The following FNDC3B variants were observed in gnomAD, a reference collection of about 807,000 sequenced individuals.
FNDC3B encodes fibronectin type III domain-containing protein 3B.
In FNDC3B, 12 loss-of-function variants were observed where a neutral mutation model predicts 151.5. The ratio of observed to expected loss-of-function variants is 0.08; its 90% CI spans 0.05 to 0.13. FNDC3B has a LOEUF of 0.13. Ranked by LOEUF, FNDC3B falls within the 10% of genes least tolerant of loss-of-function variation. FNDC3B has a pLI of 1.00. For synonymous variants in FNDC3B, 528 were observed against 549.0 expected (o/e 0.96, Z 0.54); for missense variants, 1,214 against 1,505.3 (o/e 0.81, Z 3.20).
At chr3:172,079,600 A>T (rs1718184345) in intron 1 of FNDC3B, among the ~76,000 whole-genome samples, 1 of 152,218 alleles carries the variant, frequency 6.6e-6, no homozygotes, top group Non-Finnish European at 1.5e-5. Flanking sequence ...GGGATGGGAG[A>T]TAATTCCCGT....
At chr3:172,081,890 C>A (rs58382472) in intron 1 of FNDC3B, among the ~76,000 whole-genome samples, 1 of 152,140 alleles carries the variant, frequency 6.6e-6, no homozygotes. Context: ...GCTTTTATTT[C>A]TTTTAAGGAA....
At chr3:172,044,336 T>C (rs1238057926) in intron 1 of FNDC3B, among the ~76,000 whole-genome samples, 2 of 149,538 alleles carry the variant, frequency 1.3e-5, no homozygotes, top group Non-Finnish European at 3.0e-5. Flanking sequence ...CAAATTATAA[T>C]GTAATCTCTT....
chr3:172,335,250 A>G (rs1002168040), intron 15 of FNDC3B, 168 bp downstream of exon 15: 2 of 510,328 alleles, frequency 3.9e-6, no homozygotes, highest in Admixed American at 3.8e-5. Context: ...AATTCTACAA[A>G]TTGGAATGGA....
At chr3:172,106,960 G>A (rs1559968358) in intron 1 of FNDC3B, among the ~76,000 whole-genome samples, 1 of 152,152 alleles carries the variant, frequency 6.6e-6, no homozygotes, top group Non-Finnish European at 1.5e-5. Flanking sequence ...TATTTGGGTG[G>A]AATTAATGTC....
intron 7 of FNDC3B, among the ~76,000 whole-genome samples, chr3:172,288,202 A>T (rs1003747552): frequency 1.2e-4 from 18 of 152,372 alleles, no homozygotes; most frequent in African/African-American, 3.8e-4. Flanking sequence ...GTTTCTCATT[A>T]TGAATCAATT....
In FNDC3B at chr3:172,335,464, T is replaced by C. The variant is rs181829352; in HGVS notation, c.1780+382T>C. ...TAGTTCATCCTTAAAAAATTAGCAA[T>C]ACTTAATAGAAAAATTTTGATTTAT... On this transcript the variant is annotated intron_variant, in intron 15 of 25. Coordinates refer to ENST00000415807, the MANE Select transcript of FNDC3B (RefSeq NM_022763.4). The C allele has an allele frequency of 8.8e-4, 136 of 154,474 alleles. 1 individual carries two copies. Among genetic ancestry groups the C allele is most frequent in the Admixed American group, 1.9e-3 (29 of 15,352 alleles). The allele number at this position is 154,474 out of a possible 1,614,324, so 9.6% of individuals were successfully genotyped here. A position where few individuals can be genotyped will look rare whatever the true frequency, so the allele number is the denominator to read the frequency against.
intron 3 of FNDC3B, among the ~76,000 whole-genome samples, chr3:172,139,761 T>G (rs1721527400): frequency 1.3e-5 from 2 of 152,066 alleles, no homozygotes; most frequent in Admixed American, 1.3e-4. Flanking sequence ...TCTTTTTTTT[T>G]TTGTTTTTTG....
intron 1 of FNDC3B, among the ~76,000 whole-genome samples, chr3:172,075,682 G>A (rs1332434404): frequency 6.6e-6 from 1 of 151,330 alleles, no homozygotes; most frequent in African/African-American, 2.4e-5. Flanking sequence ...ATTTTTGAGT[G>A]GGGCACACAT....
intron 1 of FNDC3B, among the ~76,000 whole-genome samples, chr3:172,100,733 G>A (rs1031126801): frequency 5.3e-5 from 8 of 151,860 alleles, no homozygotes; most frequent in South Asian, 2.1e-4. Context: ...CTTTATGTTC[G>A]GTCACATTAA....
At chr3:172,333,023 T>C in intron 13 of FNDC3B, 66 bp from the exon 14 acceptor site, 1 of 954,784 alleles carries the variant, frequency 1.0e-6, no homozygotes, top group Non-Finnish European at 1.7e-6. Flanking sequence ...AAAAATCCTG[T>C]ATTCAAAGGT....
chr3:172,245,234 TATAA>T (rs1727715678), intron 4 of FNDC3B, among the ~76,000 whole-genome samples: 2 of 152,210 alleles, frequency 1.3e-5, no homozygotes, highest in Non-Finnish European at 2.9e-5. Flanking sequence ...ATTTTTTCGT[TATAA>T]ATAGTCTTGT....
chr3:172,294,130 G>T (rs1388553223), intron 7 of FNDC3B, among the ~76,000 whole-genome samples: 1 of 152,134 alleles, frequency 6.6e-6, no homozygotes, highest in African/African-American at 2.4e-5. Context: ...CATATTTTAG[G>T]TTGGGTTTCT....
At chr3:172,189,192 C>CT (rs750247610) in intron 3 of FNDC3B, among the ~76,000 whole-genome samples, 1 of 152,044 alleles carries the variant, frequency 6.6e-6, no homozygotes, top group Non-Finnish European at 1.5e-5. Flanking sequence ...ATGTAAGTTG[C>CT]TTTCTACTAG....
chr3:172,194,687 C>G (rs906953266), intron 3 of FNDC3B, among the ~76,000 whole-genome samples: 2 of 152,208 alleles, frequency 1.3e-5, no homozygotes, highest in Non-Finnish European at 2.9e-5. Context: ...ATCTACTCAT[C>G]TAGTCCAGCA....
intron 6 of FNDC3B, among the ~76,000 whole-genome samples, chr3:172,267,420 T>C (rs1393337870): frequency 6.6e-6 from 1 of 152,186 alleles, no homozygotes; most frequent in Non-Finnish European, 1.5e-5. Flanking sequence ...TTTCCCAAAG[T>C]GCTGGGATTA....
chr3:172,105,087 C>T (rs757825924), intron 1 of FNDC3B, among the ~76,000 whole-genome samples: 20 of 152,140 alleles, frequency 1.3e-4, no homozygotes, highest in Admixed American at 2.6e-4. Context: ...TTGCTTTGCT[C>T]TCTCTCTTTC....
intron 3 of FNDC3B, among the ~76,000 whole-genome samples, chr3:172,220,970 C>T (rs1019377209): frequency 6.6e-6 from 1 of 152,052 alleles, no homozygotes; most frequent in Non-Finnish European, 1.5e-5. Context: ...TACTATTTAG[C>T]AGTGTTTTGT....
rs114981623 is a variant in FNDC3B, at chr3:172,217,736, T to G, written c.188-9135T>G. On this transcript the variant is annotated intron_variant, in intron 3 of 25. Transcript: ENST00000415807. ...TCAACTTCAATGAAATTGAGGAAAATTGGGATTTAAGAAGCTTGTCTTATG... is the reference window on the plus strand; with the variant it reads ...TCAACTTCAATGAAATTGAGGAAAAGTGGGATTTAAGAAGCTTGTCTTATG... 9.2e-3 allele frequency among the ~76,000 whole-genome samples: 1,396 copies of G among 152,192 alleles called. 18 individuals are homozygous for G. Among genetic ancestry groups the G allele is most frequent in the African/African-American group, 0.033 (1,354 of 41,530 alleles).
chr3:172,206,314 C>T (rs753184521), intron 3 of FNDC3B, among the ~76,000 whole-genome samples: 21 of 152,174 alleles, frequency 1.4e-4, no homozygotes, highest in Admixed American at 3.3e-4. Flanking sequence ...AATGGTTTTG[C>T]GTGAATAATG....
Sources: allele counts gnomAD v4.1 joint callset (sites outside exome capture counted in the v4.1 genomes callset), GRCh38; gene constraint gnomAD v4.1.1; transcripts MANE v1.5; gene names NCBI Gene and HGNC (gene_info 2026-07-23, HGNC 2026-07-21).